CENATAC: variants seen among roughly 807,000 people sequenced by gnomAD.
The protein encoded by CENATAC is centrosomal AT-AC splicing factor, also known as coiled-coil domain containing 84.
A neutral mutation model predicts 53.7 loss-of-function variants in CENATAC; 53 were observed. The observed-to-expected ratio is 0.99, with a 90% CI of 0.79 to 1.24. The LOEUF is 1.24. Ranked by LOEUF, CENATAC falls within the 50% of genes most tolerant of loss-of-function variation. The probability of loss-of-function intolerance (pLI) is 0.00; values close to 1 mark genes in which losing one functional copy is unlikely to be tolerated. For synonymous variants in CENATAC, 156 were observed against 144.6 expected (o/e 1.08, Z -0.57); for missense variants, 474 against 417.8 (o/e 1.13, Z -1.17).
At chr11:119,014,606 C>T (rs1349857879) in intron 8 of CENATAC, 1 of 156,292 alleles carries the variant, frequency 6.4e-6, no homozygotes. Flanking sequence ...ACCTCAATGT[C>T]CACACACAGA....
chr11:119,015,710 C>G lies in CENATAC; in HGVS notation c.*112C>G. On this transcript the variant is annotated 3_prime_UTR_variant, in exon 11 of 11. Coordinates refer to ENST00000334418, the MANE Select transcript of CENATAC (RefSeq NM_198489.3). ...TTCTTAGGAAACAGACATACTCATT[C>G]ATTTGATTTAATAAAGTTTTATTTT... The G allele has an allele frequency of 7.7e-7, 1 of 1,298,380 alleles. No individual in the cohort carries two copies. The highest frequency in any genetic ancestry group is 1.1e-6 in the Non-Finnish European group (1 of 912,022). 80.4% of individuals were successfully genotyped at this position (1,298,380 alleles called of 1,614,324 possible).
chr11:119,015,213 C>A lies in CENATAC; in HGVS notation c.806-94C>A. ...GGCTGAGGTGGGAGGGTCACTTGAG[C>A]CCAGAAGTTTGAAAACAGCCTGGAC... is the stretch of plus-strand genomic sequence containing the variant. On this transcript the variant is annotated intron_variant, in intron 9 of 10. Coordinates refer to ENST00000334418, the MANE Select transcript of CENATAC (RefSeq NM_198489.3). 10 of 1,468,152 alleles carry A rather than the reference C, an allele frequency of 6.8e-6. No individual in the cohort carries two copies. In the South Asian group the frequency reaches 1.3e-4, roughly 19 times the overall value. 90.9% of individuals were successfully genotyped at this position (1,468,152 alleles called of 1,614,324 possible). A position where few individuals can be genotyped will look rare whatever the true frequency, so the allele number is the denominator to read the frequency against.
intron 3 of CENATAC, chr11:119,003,247 C>A: frequency 1.9e-6 from 1 of 532,328 alleles, no homozygotes; most frequent in Non-Finnish European, 3.7e-6. Context: ...AGTGGTCAAG[C>A]TTGTTTCTCC....
chr11:119,012,926 T>G, intron 7 of CENATAC: 2 of 319,372 alleles, frequency 6.3e-6, no homozygotes, highest in Non-Finnish European at 1.1e-5. Context: ...ACGTAACTTG[T>G]GCTTAATGCT....
In CENATAC at chr11:119,014,999, A is replaced by G; in HGVS notation, c.721A>G (p.Thr241Ala). ...AGCCTTAATTTTTTTTTCAGGTGCC[A>G]CACCTCCCTGGATGATCCAAGATGA... ...PGVGNIHSGA[T>A]PPWMIQDEEY... Residue 241 changes from threonine (T) to alanine (A), a missense_variant, in exon 9 of 11, where the codon ACA (threonine) becomes GCA (alanine). By Grantham distance (58) the Thr-to-Ala change is moderately conservative. Coordinates refer to ENST00000334418, the MANE Select transcript of CENATAC (RefSeq NM_198489.3). 1 of 1,565,538 alleles carries G rather than the reference A, an allele frequency of 6.4e-7. No individual in the cohort carries two copies. Among genetic ancestry groups the G allele is most frequent in the Non-Finnish European group, 8.6e-7 (1 of 1,157,798 alleles).
At chr11:119,014,295 C>T (rs1424231105) in intron 8 of CENATAC, 2 of 152,228 alleles carry the variant, frequency 1.3e-5, no homozygotes, top group Non-Finnish European at 2.9e-5. Context: ...TCTCAGAAGT[C>T]CAGACCTGGC....
chr11:119,011,917 A>C (rs1942888605), intron 5 of CENATAC, 22 bp from the exon 6 acceptor site: 1 of 1,612,316 alleles, frequency 6.2e-7, no homozygotes, highest in Admixed American at 1.7e-5. Flanking sequence ...AGACACATTT[A>C]TTTTTCCTGA....
chr11:119,009,498 C>T (rs1218925469), intron 3 of CENATAC: 1 of 151,516 alleles, frequency 6.6e-6, no homozygotes, highest in African/African-American at 2.4e-5. Flanking sequence ...ACAGAAAGCC[C>T]CATACCTCAT....
chr11:119,003,829 G>C (rs1278242294), intron 3 of CENATAC: 1 of 149,506 alleles, frequency 6.7e-6, no homozygotes, highest in East Asian at 2.0e-4. Context: ...ATATTGGTCA[G>C]GCTGGTCTCG....
intron 3 of CENATAC, among the ~76,000 whole-genome samples, chr11:119,000,655 T>C (rs943901369): frequency 5.9e-5 from 9 of 151,642 alleles, no homozygotes; most frequent in African/African-American, 2.2e-4. Flanking sequence ...ACTCAGGAGG[T>C]TGAGACAGGA....
At chr11:119,009,250 C>A (rs1183986883) in intron 3 of CENATAC, among the ~76,000 whole-genome samples, 5 of 152,124 alleles carry the variant, frequency 3.3e-5, no homozygotes, top group Admixed American at 3.3e-4. Context: ...TCTCAGCCTC[C>A]CAAGTAGCTG....
At chr11:119,014,958 TA>T (rs10680026) in intron 8 of CENATAC, 35 bp from the exon 9 acceptor site, 242,256 of 1,138,734 alleles carry the variant, frequency 0.21, 6 homozygotes, top group East Asian at 0.29. Context: ...CCTGAAGACT[TA>T]AAAAAAAAAA....
At chr11:119,002,742 A>T (rs1464129972) in intron 3 of CENATAC, among the ~76,000 whole-genome samples, 1 of 151,250 alleles carries the variant, frequency 6.6e-6, no homozygotes, top group Non-Finnish European at 1.5e-5. Context: ...ATAAGAAGTA[A>T]GATTTCTCCC....
rs782685783 is a variant in CENATAC, at chr11:119,015,606, C to G, written c.*8C>G. 2.5e-6 allele frequency: 4 copies of G among 1,613,810 alleles called. No homozygotes were observed. The highest frequency in any genetic ancestry group is 1.3e-5 in the African/African-American group (1 of 74,858). On this transcript the variant is annotated 3_prime_UTR_variant, in exon 11 of 11. Transcript: ENST00000334418. ...CATACAGAAAAAAGCTAATCATGCT[C>G]TCTACCAACTACCATGAGGCTAAAA...
chr11:118,998,649 G>A, intron 2 of CENATAC, 56 bp downstream of exon 2: 1 of 1,520,754 alleles, frequency 6.6e-7, no homozygotes, highest in Non-Finnish European at 8.8e-7. Context: ...TACGGGAGGA[G>A]GGTTTGGGGT....
chr11:118,999,995 A>G (rs1354351053), intron 3 of CENATAC, among the ~76,000 whole-genome samples: 1 of 152,148 alleles, frequency 6.6e-6, no homozygotes, highest in African/African-American at 2.4e-5. Context: ...CAAGTTGGTC[A>G]CTAACTCCTG....
In CENATAC at chr11:119,015,116, A is replaced by G. The variant is rs782416231; in HGVS notation, c.805+33A>G. The G allele has an allele frequency of 5.2e-6, 8 of 1,553,222 alleles. No individual in the cohort carries two copies. The East Asian group carries it at 1.6e-4, about 30-fold the overall frequency. ...AACTAATTCAAGAGAGGATCGTCTA[A>G]ATCTTCACACTCAAAAATGGTTTCC... On this transcript the variant is annotated intron_variant, in intron 9 of 10. Transcript: ENST00000334418.
At position 119,013,226 on chromosome 11, in the gene CENATAC, C is replaced by T. The variant is rs782067757; in HGVS notation, c.685-6C>T. 1.2e-6 allele frequency: 2 copies of T among 1,606,556 alleles called. No individual in the cohort carries two copies. The highest frequency in any genetic ancestry group is 1.7e-6 in the Non-Finnish European group (2 of 1,176,282). On this transcript the variant is annotated splice_polypyrimidine_tract_variant and splice_region_variant and intron_variant, in intron 7 of 10. Coordinates refer to ENST00000334418, the MANE Select transcript of CENATAC (RefSeq NM_198489.3). ...CTAGCACTTTTTTTCCCATTTCCAA[C>T]TACAGGATATACCAGGAGTTGGTAA...
Position 118,998,234 on chromosome 11 carries a change from A to G in CENATAC, c.37A>G (p.Thr13Ala), listed in dbSNP as rs200075860. The G allele has an allele frequency of 1.4e-4, 219 of 1,586,308 alleles. No individual in the cohort carries two copies. The highest frequency in any genetic ancestry group is 1.8e-4 in the Non-Finnish European group (215 of 1,166,678). The change falls in exon 1 of 11, where the codon ACC (threonine) becomes GCC (alanine). Residue 13 changes from threonine (T) to alanine (A), a missense_variant. By Grantham distance (58) the Thr-to-Ala change is moderately conservative (BLOSUM62 0). Transcript: ENST00000334418. The part of the protein sequence containing the change: ...PAQRCPLCRQ[T>A]FFCGRGHVYS... ...GCAGCGCTGCCCTCTGTGCCGCCAG[A>G]CCTTCTTCTGTGGTCGCGGGCACGT...
Sources: allele counts gnomAD v4.1 joint callset (sites outside exome capture counted in the v4.1 genomes callset), GRCh38; gene constraint gnomAD v4.1.1; transcripts MANE v1.5; gene names NCBI Gene and HGNC (gene_info 2026-07-23, HGNC 2026-07-21).